APC: variants seen among roughly 807,000 people sequenced by gnomAD.
APC encodes adenomatous polyposis coli protein.
APC carries 72 observed loss-of-function variants against 247.0 expected under a neutral mutation model. That is an observed-to-expected ratio of 0.29 (90% CI 0.24 to 0.35). The LOEUF (loss-of-function observed/expected upper bound fraction) is 0.35. APC is among the 10% of genes least tolerant of loss of function. The probability of loss-of-function intolerance (pLI) is 1.00; values close to 1 mark genes in which losing one functional copy is unlikely to be tolerated. For missense variants in APC, 3,400 were observed against 3,360.7 expected (o/e 1.01, Z -0.29); for synonymous variants, 1,254 against 1,162.5 (o/e 1.08, Z -1.60).
chr5:112,842,552 C>A lies in APC; in HGVS notation c.6958C>A (p.Pro2320Thr), dbSNP rs587778036. Residue 2320 changes from proline (P) to threonine (T), a missense_variant, in exon 16 of 16, where the codon CCT (proline) becomes ACT (threonine). Coordinates refer to ENST00000257430, the MANE Select transcript of APC (RefSeq NM_000038.6). The part of the protein sequence containing the change: ...SRPAQQPLSR[P>T]IQSPGRNSIS... ...ACCTGCCCAGCAACCATTAAGTAGA[C>A]CTATACAGTCTCCTGGCCGAAACTC... is the stretch of plus-strand genomic sequence containing the variant. 1 of 1,613,948 alleles carries A rather than the reference C, an allele frequency of 6.2e-7. No homozygotes were observed. Among genetic ancestry groups the A allele is most frequent in the Non-Finnish European group, 8.5e-7 (1 of 1,179,836 alleles).
At chr5:112,784,941 A>G (rs934041293) in intron 6 of APC, among the ~76,000 whole-genome samples, 8 of 152,086 alleles carry the variant, frequency 5.3e-5, no homozygotes, top group African/African-American at 1.4e-4. Context: ...CACAACTGTA[A>G]TCCCAGCTGC....
intron 8 of APC, among the ~76,000 whole-genome samples, chr5:112,813,646 A>G (rs1159531087): frequency 6.6e-6 from 1 of 151,840 alleles, no homozygotes; most frequent in Non-Finnish European, 1.5e-5. Context: ...AGCTGGGCTC[A>G]TTGGCTCGTG....
rs886059799 is a variant in APC, at chr5:112,843,497, A to G, written c.7903A>G (p.Thr2635Ala). Residue 2635 changes from threonine to alanine, a missense_variant, in exon 16 of 16, where the codon ACA becomes GCA. By Grantham distance (58) the Thr-to-Ala change is moderately conservative (BLOSUM62 0). Transcript: ENST00000257430. The surrounding 1 kb of genome is among the most constrained non-coding windows in gnomAD (Gnocchi z 4.8). ...TTCTCAGACCGTTTCCTCAGGTGCT[A>G]CAAATGGTGCTGAATCAAAGACTCT... ...STSQTVSSGA[T>A]NGAESKTLIY... 5.0e-6 allele frequency: 8 copies of G among 1,613,876 alleles called. No homozygotes were observed. The highest frequency in any genetic ancestry group is 8.5e-7 in the Non-Finnish European group (1 of 1,179,848).
chr5:112,749,956 CTTTTTTTTTTTG>C (rs1293774715), intron 1 of APC, among the ~76,000 whole-genome samples: 45 of 118,372 alleles, frequency 3.8e-4, no homozygotes, highest in Non-Finnish European at 7.6e-4. Context: ...TTCTTTTTCT[CTTTTTTTTTTTG>C]TTTTTTTTTT....
chr5:112,838,027 A>C lies in APC; in HGVS notation c.2433A>C (p.Ser811=), dbSNP rs768177978. The C allele has an allele frequency of 6.2e-7, 1 of 1,614,222 alleles. No individual in the cohort carries two copies. Among genetic ancestry groups the C allele is most frequent in the South Asian group, 1.1e-5 (1 of 91,086 alleles). Residue 811 remains serine (S), a synonymous_variant, in exon 16 of 16, where the codon TCA becomes TCC. Coordinates refer to ENST00000257430, the MANE Select transcript of APC (RefSeq NM_000038.6). ...FDTNRHDDNR[S]DNFNTGNMTV... is the part of the protein sequence containing the mutation. ...CCAATCGACATGATGATAATAGGTC[A>C]GACAATTTTAATACTGGCAACATGA...
At chr5:112,797,821 A>C (rs1760373533) in intron 7 of APC, among the ~76,000 whole-genome samples, 1 of 152,198 alleles carries the variant, frequency 6.6e-6, no homozygotes, top group Non-Finnish European at 1.5e-5. Context: ...TAGGAATGGC[A>C]AATAAGTACA....
chr5:112,831,926 A>G (rs1393680187), intron 14 of APC, among the ~76,000 whole-genome samples: 1 of 152,172 alleles, frequency 6.6e-6, no homozygotes, highest in Non-Finnish European at 1.5e-5. Context: ...TTACAATTTG[A>G]CAGTTGACTT....
chr5:112,812,209 A>G lies in APC; in HGVS notation c.835-3286A>G, dbSNP rs79579690. ...GACTAAAGGGGAAGGGATTACAAAA[A>G]CGCGTGAATACCAGGAGGCAAAGAT... On this transcript the variant is annotated intron_variant, in intron 8 of 15. Coordinates refer to ENST00000257430, the MANE Select transcript of APC (RefSeq NM_000038.6). 9.1e-3 allele frequency among the ~76,000 whole-genome samples: 1,381 copies of G among 152,282 alleles called. 21 individuals are homozygous for G. The highest frequency in any genetic ancestry group is 0.032 in the African/African-American group (1,329 of 41,546).
At chr5:112,716,445 T>C (rs1751174564) in intron 1 of APC, among the ~76,000 whole-genome samples, 1 of 152,206 alleles carries the variant, frequency 6.6e-6, no homozygotes, top group Non-Finnish European at 1.5e-5. Context: ...ACATACTCTG[T>C]TTCAAAGGCC....
intron 5 of APC, among the ~76,000 whole-genome samples, chr5:112,778,954 A>G (rs1424372935): frequency 2.0e-5 from 3 of 152,210 alleles, no homozygotes; most frequent in Non-Finnish European, 2.9e-5. Context: ...CAAAAAGGTA[A>G]AAACTGAAAG....
Position 112,838,968 on chromosome 5 carries a change from T to C in APC, c.3374T>C (p.Val1125Ala), listed in dbSNP as rs377278397. 211 of 1,613,984 alleles carry C rather than the reference T, an allele frequency of 1.3e-4. No homozygotes were observed. In the East Asian group the frequency reaches 3.8e-3, roughly 29 times the overall value. Residue 1125 changes from valine to alanine, a missense_variant, in exon 16 of 16, where the codon GTA becomes GCA. Val to Ala is a moderately conservative substitution (Grantham distance 64, BLOSUM62 0). Coordinates refer to ENST00000257430, the MANE Select transcript of APC (RefSeq NM_000038.6). ...TCTAATCATGGAATTAATCAAAATG[T>C]AAGCCAGTCTTTGTGTCAAGAAGAT... ...VGSNHGINQN[V>A]SQSLCQEDDY...
At chr5:112,760,656 A>G (rs1198144424) in intron 2 of APC, among the ~76,000 whole-genome samples, 2 of 152,178 alleles carry the variant, frequency 1.3e-5, no homozygotes, top group Admixed American at 6.5e-5. Flanking sequence ...TTCAAGATAA[A>G]TGTCAGATTT....
intron 1 of APC, among the ~76,000 whole-genome samples, chr5:112,731,860 C>G (rs1752116724): frequency 6.6e-6 from 1 of 152,152 alleles, no homozygotes; most frequent in Non-Finnish European, 1.5e-5. Flanking sequence ...CTCCCGGGCT[C>G]AAGTGATTCT....
intron 7 of APC, among the ~76,000 whole-genome samples, chr5:112,799,330 G>A (rs1760545743): frequency 6.6e-6 from 1 of 152,034 alleles, no homozygotes; most frequent in African/African-American, 2.4e-5. Flanking sequence ...ATCTCTGTGA[G>A]GAGTAGCACC....
At position 112,841,441 on chromosome 5, in the gene APC, A is replaced by G. The variant is rs1554087029; in HGVS notation, c.5847A>G (p.Glu1949=). Residue 1949 remains glutamate (E), a synonymous_variant, in exon 16 of 16, where the codon GAA becomes GAG. Coordinates refer to ENST00000257430, the MANE Select transcript of APC (RefSeq NM_000038.6). This position sits in a 1 kb window ranked among gnomAD's most constrained non-coding sequence, Gnocchi z 4.6. ...CAGACAGAGGGGCAGCAACTGATGA[A>G]AAGTTACAGAATTTTGCTATTGAAA... ...DIPDRGAATD[E]KLQNFAIENT... is the part of the protein sequence containing the mutation. 7 of 1,614,038 alleles carry G rather than the reference A, an allele frequency of 4.3e-6. No individual in the cohort carries two copies. Among genetic ancestry groups the G allele is most frequent in the Non-Finnish European group, 5.9e-6 (7 of 1,179,912 alleles).
chr5:112,827,960 G>C lies in APC; in HGVS notation c.1580G>C (p.Arg527Thr), dbSNP rs1554081889. The change falls in exon 13 of 16, where the codon AGA becomes ACA. Residue 527 changes from arginine to threonine, a missense_variant. Arg to Thr is a moderately conservative substitution (Grantham distance 71). This residue lies in a region of APC where 184 missense variants were observed against 248.0 expected (regional missense o/e 0.74). Coordinates refer to ENST00000257430, the MANE Select transcript of APC (RefSeq NM_000038.6). ...CTATGCTCTATGAAAGGCTGCATGA[G>C]AGCACTTGTGGCCCAACTAAAATCT... ...ATLCSMKGCM[R>T]ALVAQLKSES... 1.2e-6 allele frequency: 2 copies of C among 1,613,180 alleles called. No individual in the cohort carries two copies. Among genetic ancestry groups the C allele is most frequent in the Admixed American group, 1.7e-5 (1 of 59,986 alleles).
chr5:112,767,532 T>C, intron 4 of APC, 142 bp downstream of exon 4: 1 of 652,644 alleles, frequency 1.5e-6, no homozygotes, highest in Non-Finnish European at 2.6e-6. Flanking sequence ...AAAGATAGCA[T>C]GTTATTGATT....
At chr5:112,763,438 G>A (rs1286179199) in intron 2 of APC, among the ~76,000 whole-genome samples, 2 of 151,464 alleles carry the variant, frequency 1.3e-5, no homozygotes, top group African/African-American at 4.9e-5. Flanking sequence ...TTCCATTGTA[G>A]GTACAGCTAA....
chr5:112,727,288 TCAGCATGTAG>T (rs1280647596), intron 1 of APC, among the ~76,000 whole-genome samples: 1 of 152,064 alleles, frequency 6.6e-6, no homozygotes, highest in Non-Finnish European at 1.5e-5. Context: ...TTTAAAAAAT[TCAGCATGTAG>T]CAAGACCAAG....
Sources: allele counts gnomAD v4.1 joint callset (sites outside exome capture counted in the v4.1 genomes callset), GRCh38; gene constraint gnomAD v4.1.1; regional missense constraint gnomAD v4.1.1; non-coding constraint Gnocchi (gnomAD v3.1); transcripts MANE v1.5; gene names NCBI Gene and HGNC (gene_info 2026-07-23, HGNC 2026-07-21).